HECTD2: variants seen among roughly 807,000 people sequenced by gnomAD.
The protein encoded by HECTD2 is HECT domain E3 ubiquitin protein ligase 2.
A neutral mutation model predicts 103.2 loss-of-function variants in HECTD2; 35 were observed. The observed-to-expected ratio is 0.34, with a 90% CI of 0.26 to 0.45. The LOEUF (loss-of-function observed/expected upper bound fraction) is 0.45, where lower values mean the gene tolerates loss of function less well. Among genes scored for constraint, HECTD2 ranks in the 20% least tolerant of loss-of-function variants. The probability of loss-of-function intolerance (pLI) is 1.00; values close to 1 mark genes in which losing one functional copy is unlikely to be tolerated. For missense variants in HECTD2, 596 were observed against 937.4 expected (o/e 0.64, Z 4.76); for synonymous variants, 281 against 329.9 (o/e 0.85, Z 1.61).
At chr10:91,417,957 G>A (rs1843199042) in intron 1 of HECTD2, among the ~76,000 whole-genome samples, 1 of 152,056 alleles carries the variant, frequency 6.6e-6, no homozygotes, top group Admixed American at 6.6e-5. Context: ...TTCCACAATG[G>A]TTGAACTAGT....
intron 2 of HECTD2, among the ~76,000 whole-genome samples, chr10:91,427,566 C>T (rs1843623591): frequency 6.6e-6 from 1 of 152,126 alleles, no homozygotes; most frequent in Admixed American, 6.6e-5. Flanking sequence ...GATGGTATCT[C>T]ATTGTGGTTT....
intron 12 of HECTD2, 131 bp downstream of exon 12, chr10:91,491,438 T>C (rs1687732091): frequency 2.0e-6 from 1 of 507,712 alleles, no homozygotes; most frequent in Admixed American, 3.9e-5. Flanking sequence ...TTGAAGATCT[T>C]GTTGCATACC....
intron 2 of HECTD2, among the ~76,000 whole-genome samples, chr10:91,450,058 C>T (rs1310822527): frequency 6.6e-6 from 1 of 152,100 alleles, no homozygotes; most frequent in Non-Finnish European, 1.5e-5. Flanking sequence ...CAAAAAAGAG[C>T]CCATATAGTC....
chr10:91,427,361 T>C (rs1221919324), intron 2 of HECTD2, among the ~76,000 whole-genome samples: 27 of 152,002 alleles, frequency 1.8e-4, no homozygotes, highest in Admixed American at 1.7e-3. Flanking sequence ...TTTGGGTATA[T>C]ACCCAGTAAT....
chr10:91,459,764 A>C (rs74670987), intron 2 of HECTD2, among the ~76,000 whole-genome samples: 3,171 of 152,202 alleles, frequency 0.021, 107 homozygotes, highest in African/African-American at 0.072. Context: ...CTAGATTATA[A>C]TACTATATTT....
intron 2 of HECTD2, among the ~76,000 whole-genome samples, chr10:91,449,745 A>AACAGACAAACAG (rs1844714015): frequency 1.4e-5 from 2 of 147,442 alleles, no homozygotes; most frequent in Non-Finnish European, 1.5e-5. Context: ...ATACACAAAT[A>AACAGACAAACAG]ATAGCCAAAT....
At chr10:91,500,698 C>G in intron 19 of HECTD2, 81 bp downstream of exon 19, 2 of 695,542 alleles carry the variant, frequency 2.9e-6, no homozygotes, top group African/African-American at 3.6e-5. Flanking sequence ...GCATAACTTA[C>G]AATCTTTGAA....
At chr10:91,461,994 TA>T in intron 4 of HECTD2, 100 bp from the exon 5 acceptor site, 1 of 888,878 alleles carries the variant, frequency 1.1e-6, no homozygotes, top group Non-Finnish European at 1.7e-6. Context: ...ATTATCAGAC[TA>T]AAAAATAATC....
intron 1 of HECTD2, among the ~76,000 whole-genome samples, chr10:91,419,743 C>T (rs1214387578): frequency 6.6e-6 from 1 of 151,950 alleles, no homozygotes; most frequent in Non-Finnish European, 1.5e-5. Flanking sequence ...TCCCTGTGTT[C>T]TCTATTTGTA....
At chr10:91,469,287 C>T (rs1845643097) in intron 5 of HECTD2, among the ~76,000 whole-genome samples, 1 of 152,098 alleles carries the variant, frequency 6.6e-6, no homozygotes, top group South Asian at 2.1e-4. Context: ...TGACCATCCC[C>T]AAGACACACA....
Position 91,458,540 on chromosome 10 carries a change from A to G in HECTD2, c.269-1887A>G, listed in dbSNP as rs188370254. On this transcript the variant is annotated intron_variant, in intron 2 of 20. Transcript: ENST00000298068. ...ACCTGGTTTTTATTATATAGCTACA[A>G]TAATCATACTGAGATAACCATGGAG... 5.9e-5 allele frequency among the ~76,000 whole-genome samples: 9 copies of G among 152,150 alleles called. No individual in the cohort carries two copies. The East Asian group carries it at 7.7e-4, about 13-fold the overall frequency.
chr10:91,458,795 A>G (rs776684850), intron 2 of HECTD2, among the ~76,000 whole-genome samples: 3 of 152,024 alleles, frequency 2.0e-5, no homozygotes, highest in Non-Finnish European at 4.4e-5. Context: ...AAAAAAATGA[A>G]ACGATCTTTG....
chr10:91,512,152 A>G, intron 20 of HECTD2, 112 bp from the exon 21 acceptor site: 1 of 1,173,204 alleles, frequency 8.5e-7, no homozygotes, highest in Non-Finnish European at 1.2e-6. Flanking sequence ...GTCATCTCTT[A>G]ACAGAGTGAA....
At chr10:91,425,435 G>A (rs1254685463) in intron 2 of HECTD2, 25 bp downstream of exon 2, 2 of 1,420,482 alleles carry the variant, frequency 1.4e-6, no homozygotes, top group Non-Finnish European at 1.9e-6. Context: ...AATATATTTT[G>A]GCTAAAAGTA....
At chr10:91,417,312 TAATG>T (rs1258371760) in intron 1 of HECTD2, among the ~76,000 whole-genome samples, 1 of 152,172 alleles carries the variant, frequency 6.6e-6, no homozygotes, top group African/African-American at 2.4e-5. Flanking sequence ...TTTTTTGAAA[TAATG>T]AAATGAATGT....
At position 91,485,160 on chromosome 10, in the gene HECTD2, G is replaced by A. The variant is rs1213906924; in HGVS notation, c.971-20G>A. On this transcript the variant is annotated intron_variant, in intron 9 of 20. Transcript: ENST00000298068. ...TGTACATGTTGGAAAAAGTCTTTAT[G>A]TTAGAATTTATCTTTACAGATACTG... 1 of 1,491,500 alleles carries A rather than the reference G, an allele frequency of 6.7e-7. No homozygotes were observed. The highest frequency in any genetic ancestry group is 9.1e-7 in the Non-Finnish European group (1 of 1,103,002). The allele number at this position is 1,491,500 out of a possible 1,614,324, so 92.4% of individuals were successfully genotyped here.
At chr10:91,415,739 A>T (rs1843101237) in intron 1 of HECTD2, among the ~76,000 whole-genome samples, 1 of 152,126 alleles carries the variant, frequency 6.6e-6, no homozygotes, top group Non-Finnish European at 1.5e-5. Context: ...TCTAGTTTGA[A>T]AAAGAGCATG....
chr10:91,423,687 A>G (rs1843443259), intron 1 of HECTD2, among the ~76,000 whole-genome samples: 1 of 152,056 alleles, frequency 6.6e-6, no homozygotes, highest in Admixed American at 6.6e-5. Flanking sequence ...AAAGTCTATT[A>G]ATTCTAGAGA....
chr10:91,482,890 G>T, intron 7 of HECTD2, 77 bp from the exon 8 acceptor site: 4 of 586,782 alleles, frequency 6.8e-6, no homozygotes, highest in South Asian at 2.4e-5. Context: ...AATTTACCAC[G>T]TACTTATTAA....
Sources: gnomAD v4.1 joint callset for allele counts (sites outside exome capture counted in the v4.1 genomes callset) on GRCh38, gnomAD v4.1.1 for gene constraint, MANE v1.5 for transcripts, NCBI Gene and HGNC (gene_info 2026-07-23, HGNC 2026-07-21) for gene names.